Variants in PREP observed in about 807,000 individuals in gnomAD.
The protein encoded by PREP is prolyl endopeptidase, also known as dJ355L5.1 (prolyl endopeptidase).
PREP carries 29 observed loss-of-function variants against 87.6 expected under a neutral mutation model. That is an observed-to-expected ratio of 0.33 (90% CI 0.25 to 0.45). PREP has a LOEUF of 0.45. Among genes scored for constraint, PREP ranks in the 20% least tolerant of loss-of-function variants. PREP has a pLI of 1.00. For missense variants in PREP, 695 were observed against 886.5 expected, an observed-to-expected ratio of 0.78 and a Z score of 2.74; for synonymous variants, 337 against 328.6, an observed-to-expected ratio of 1.03 and a Z score of -0.28.
At chr6:105,371,260 T>G (rs977212269) in intron 5 of PREP, among the ~76,000 whole-genome samples, 10 of 152,168 alleles carry the variant, frequency 6.6e-5, no homozygotes, top group African/African-American at 2.2e-4. Context: ...ATCCCAGCAC[T>G]TTGGGAGGCC....
chr6:105,330,549 G>T (rs928857443), intron 8 of PREP, among the ~76,000 whole-genome samples: 1 of 152,120 alleles, frequency 6.6e-6, no homozygotes, highest in Non-Finnish European at 1.5e-5. Flanking sequence ...AAGCACAGAG[G>T]TCTGCCTGAG....
At chr6:105,288,309 A>C (rs1770228896) in intron 11 of PREP, among the ~76,000 whole-genome samples, 1 of 152,198 alleles carries the variant, frequency 6.6e-6, no homozygotes, top group South Asian at 2.1e-4. Flanking sequence ...CAGATAGTTA[A>C]CACATAATCC....
At chr6:105,380,321 A>C (rs929670949) in intron 2 of PREP, among the ~76,000 whole-genome samples, 1 of 152,170 alleles carries the variant, frequency 6.6e-6, no homozygotes, top group Non-Finnish European at 1.5e-5. Context: ...GAGGTGAGTG[A>C]GGCTGGGAAT....
At chr6:105,368,532 C>T (rs1037440477) in intron 6 of PREP, among the ~76,000 whole-genome samples, 16 of 152,134 alleles carry the variant, frequency 1.1e-4, no homozygotes, top group African/African-American at 3.4e-4. Context: ...CTCTTTCCCC[C>T]ATACTCTCAC....
chr6:105,402,263 C>T (rs1486594827), intron 1 of PREP, among the ~76,000 whole-genome samples: 1 of 152,184 alleles, frequency 6.6e-6, no homozygotes, highest in African/African-American at 2.4e-5. Context: ...CCATTTCTGT[C>T]CGGGTCTCTG....
At chr6:105,344,681 G>T (rs1004419848) in intron 7 of PREP, among the ~76,000 whole-genome samples, 1 of 152,082 alleles carries the variant, frequency 6.6e-6, no homozygotes, top group South Asian at 2.1e-4. Context: ...GGCCTGTCGT[G>T]GGGTGGGGGA....
chr6:105,348,262 T>A (rs190880624), intron 7 of PREP, among the ~76,000 whole-genome samples: 81 of 152,196 alleles, frequency 5.3e-4, no homozygotes, highest in African/African-American at 1.8e-3. Flanking sequence ...TGAAAAAATA[T>A]TTAGGAAGCC....
intron 8 of PREP, 91 bp from the exon 9 acceptor site, chr6:105,329,117 G>T: frequency 8.3e-7 from 1 of 1,205,164 alleles, no homozygotes; most frequent in Non-Finnish European, 1.2e-6. Context: ...GCTACACATA[G>T]GGCTATGCAG....
chr6:105,307,683 G>A (rs1357136054), intron 10 of PREP, among the ~76,000 whole-genome samples: 2 of 152,140 alleles, frequency 1.3e-5, no homozygotes, highest in South Asian at 2.1e-4. Flanking sequence ...TGAGAGCTCG[G>A]CTTACCGCAA....
chr6:105,322,696 G>C, intron 10 of PREP: 3 of 997,480 alleles, frequency 3.0e-6, no homozygotes, highest in Non-Finnish European at 3.6e-6. Context: ...CAATAAAACA[G>C]GAGGCCAGTT....
At position 105,278,124 on chromosome 6, in the gene PREP, G is replaced by A; in HGVS notation, c.*20C>T. 2 of 1,594,198 alleles carry A rather than the reference G, an allele frequency of 1.3e-6. No homozygotes were observed. The highest frequency in any genetic ancestry group is 1.7e-6 in the Non-Finnish European group (2 of 1,166,612). ...CCCTTGAGGTTTTCTGTCGCTGTCA[G>A]GAGGAAGCACGAAAACTGTTTATGG... On this transcript the variant is annotated 3_prime_UTR_variant, in exon 15 of 15. Coordinates refer to ENST00000652536, the MANE Select transcript of PREP (RefSeq NM_002726.5). The surrounding 1 kb of genome is among the most constrained non-coding windows in gnomAD (Gnocchi z 4.2).
intron 6 of PREP, among the ~76,000 whole-genome samples, chr6:105,354,521 GTTTT>G (rs77387653): frequency 6.9e-6 from 1 of 144,344 alleles, no homozygotes; most frequent in African/African-American, 2.5e-5. Flanking sequence ...TGTTTGTGAA[GTTTT>G]TTTTTTTTTT....
Position 105,318,018 on chromosome 6 carries a change from C to A in PREP, c.1317+5647G>T, listed in dbSNP as rs75159041. On this transcript the variant is annotated intron_variant, in intron 10 of 14. Transcript: ENST00000652536. The stretch of plus-strand genomic sequence containing the variant: ...CAATCCTGATCCTGAGATTTAGGTA[C>A]CTGGCCACCAGGTGGCATTTGGGTG... Among the ~76,000 whole-genome samples, 1,083 of 152,250 alleles carry A rather than the reference C, an allele frequency of 7.1e-3. 10 individuals carry two copies. Among genetic ancestry groups the A allele is most frequent in the South Asian group, 0.022 (108 of 4,824 alleles).
At chr6:105,392,325 C>G (rs542054246) in intron 2 of PREP, among the ~76,000 whole-genome samples, 2 of 151,834 alleles carry the variant, frequency 1.3e-5, no homozygotes, top group Non-Finnish European at 2.9e-5. Flanking sequence ...GGCGTGAGCC[C>G]CCACGCCTGG....
intron 10 of PREP, among the ~76,000 whole-genome samples, chr6:105,301,045 T>C (rs1259957921): frequency 6.6e-6 from 1 of 152,236 alleles, no homozygotes; most frequent in Non-Finnish European, 1.5e-5. Flanking sequence ...GAAAACAATC[T>C]TCAGTAATGC....
At chr6:105,369,723 A>G (rs1041871957) in intron 5 of PREP, among the ~76,000 whole-genome samples, 1 of 152,196 alleles carries the variant, frequency 6.6e-6, no homozygotes. Flanking sequence ...CACCCTTTAC[A>G]GAAATTAACT....
intron 10 of PREP, among the ~76,000 whole-genome samples, chr6:105,290,369 T>C (rs983509489): frequency 1.3e-5 from 2 of 152,182 alleles, no homozygotes; most frequent in Admixed American, 1.3e-4. Context: ...ACAGCATCAA[T>C]GAGCAAGCGA....
chr6:105,386,550 G>A (rs1772999775), intron 2 of PREP, among the ~76,000 whole-genome samples: 1 of 151,894 alleles, frequency 6.6e-6, no homozygotes, highest in African/African-American at 2.4e-5. Context: ...TTCCCCCAAT[G>A]AAAAAAATTG....
At chr6:105,281,707 C>A in intron 14 of PREP, 39 bp downstream of exon 14, 1 of 1,594,764 alleles carries the variant, frequency 6.3e-7, no homozygotes. Flanking sequence ...AACTTTATAT[C>A]AAACCACTAA....
Sources: allele counts gnomAD v4.1 joint callset (sites outside exome capture counted in the v4.1 genomes callset), GRCh38; gene constraint gnomAD v4.1.1; non-coding constraint Gnocchi (gnomAD v3.1); transcripts MANE v1.5; gene names NCBI Gene and HGNC (gene_info 2026-07-23, HGNC 2026-07-21).